DMBT1: variants seen among roughly 807,000 people sequenced by gnomAD.
DMBT1 encodes the protein deleted in malignant brain tumors 1.
A neutral mutation model predicts 252.9 loss-of-function variants in DMBT1; 198 were observed. The ratio of observed to expected loss-of-function variants is 0.78; its 90% CI spans 0.70 to 0.88. The LOEUF (loss-of-function observed/expected upper bound fraction) is 0.88. DMBT1 is among the 40% of genes least tolerant of loss of function. The pLI is 0.00. For missense variants in DMBT1, 2,432 were observed against 2,404.7 expected (o/e 1.01, Z -0.24); for synonymous variants, 990 against 942.7 (o/e 1.05, Z -0.92).
At chr10:122,575,950 G>T (rs796302308) in intron 6 of DMBT1, among the ~76,000 whole-genome samples, 5 of 152,262 alleles carry the variant, frequency 3.3e-5, no homozygotes, top group African/African-American at 9.6e-5. Context: ...CCTGAGGAAG[G>T]CTATAAGGCC....
At position 122,643,068 on chromosome 10, in the gene DMBT1, A is replaced by T. The variant is rs1844856969; in HGVS notation, c.7353-54A>T. The T allele has an allele frequency of 1.9e-6, 3 of 1,587,044 alleles. No individual in the cohort carries two copies. The East Asian group carries it at 6.7e-5, about 36-fold the overall frequency. ...GTTCCTCACCTGGTACAACTGAGTC[A>T]TGAAGGAAGAATCGGGCCTTGGTGA... is the stretch of plus-strand genomic sequence containing the variant. On this transcript the variant is annotated intron_variant, in intron 55 of 55. Transcript: ENST00000338354.
In DMBT1 at chr10:122,576,732, C is replaced by T; in HGVS notation, c.607+10C>T. On this transcript the variant is annotated intron_variant, in intron 7 of 55. Coordinates refer to ENST00000338354, the MANE Select transcript of DMBT1 (RefSeq NM_001377530.1). ...GGTGTTATCTGCTCAGGTAGGCATC[C>T]AGATCTCTGGAGGGTTGGGTGTGGT... The T allele has an allele frequency of 6.2e-7, 1 of 1,613,778 alleles. No homozygotes were observed. The highest frequency in any genetic ancestry group is 8.5e-7 in the Non-Finnish European group (1 of 1,179,722).
At chr10:122,590,782 C>T (rs2097843597) in intron 18 of DMBT1, 88 bp downstream of exon 18, 2 of 1,470,568 alleles carry the variant, frequency 1.4e-6, no homozygotes, top group African/African-American at 1.4e-5. Flanking sequence ...TCCTTCTTAC[C>T]TGTGTGGATA....
chr10:122,638,244 A>T (rs76217740), intron 54 of DMBT1, among the ~76,000 whole-genome samples: 17 of 152,112 alleles, frequency 1.1e-4, no homozygotes, highest in African/African-American at 3.6e-4. Flanking sequence ...ATGCCAAGTG[A>T]GCAGCCTGGA....
At chr10:122,572,771 C>T (rs1314280952) in intron 5 of DMBT1, among the ~76,000 whole-genome samples, 1 of 152,048 alleles carries the variant, frequency 6.6e-6, no homozygotes. Flanking sequence ...GCCTGGGATA[C>T]CAAATATATA....
Position 122,598,013 on chromosome 10 carries a change from G to T in DMBT1, c.2956+1G>T, listed in dbSNP as rs1836707086. On this transcript the variant is annotated splice_donor_variant, in intron 25 of 55. Coordinates refer to ENST00000338354, the MANE Select transcript of DMBT1 (RefSeq NM_001377530.1). LOFTEE classifies it high-confidence loss of function. ...ATCACCTTGCCTGCATCGACAGTAG[G>T]TAAATATTCCTCTCGCCCCTCCCTA... The T allele has an allele frequency of 1.6e-5, 26 of 1,613,904 alleles. No homozygotes were observed. The highest frequency in any genetic ancestry group is 2.2e-5 in the Non-Finnish European group (26 of 1,179,864).
chr10:122,593,031 G>C (rs906743206), intron 20 of DMBT1, among the ~76,000 whole-genome samples: 1 of 148,714 alleles, frequency 6.7e-6, no homozygotes, highest in African/African-American at 2.4e-5. Context: ...CAGTGAGGAG[G>C]TCTGGAAATA....
intron 1 of DMBT1, among the ~76,000 whole-genome samples, chr10:122,565,020 A>G (rs1200096124): frequency 1.7e-5 from 2 of 119,518 alleles, no homozygotes; most frequent in African/African-American, 5.8e-5. Context: ...ACTATGAAGA[A>G]AGTGTCTCCA....
At chr10:122,594,294 G>C (rs968237336) in intron 21 of DMBT1, among the ~76,000 whole-genome samples, 10 of 132,098 alleles carry the variant, frequency 7.6e-5, no homozygotes, top group African/African-American at 2.6e-4. Context: ...GAGAAATGGA[G>C]GGCTCAGTCT....
chr10:122,599,139 T>G (rs764217073), intron 26 of DMBT1, 42 bp downstream of exon 26: 1 of 1,613,316 alleles, frequency 6.2e-7, no homozygotes. Flanking sequence ...TGGGGTGGAG[T>G]TTGCTCCAGA....
chr10:122,639,803 A>AAGAGC (rs1386505218), intron 54 of DMBT1, among the ~76,000 whole-genome samples: 1 of 152,238 alleles, frequency 6.6e-6, no homozygotes, highest in African/African-American at 2.4e-5. Context: ...GCAGGTGGAC[A>AAGAGC]AGGTAGAACC....
intron 7 of DMBT1, 88 bp downstream of exon 7, chr10:122,576,810 T>C: frequency 2.0e-6 from 3 of 1,536,602 alleles, no homozygotes; most frequent in Non-Finnish European, 2.7e-6. Flanking sequence ...GCAGATTGCT[T>C]GAGCTCAGGC....
Position 122,589,260 on chromosome 10 carries a change from C to T in DMBT1, c.2100C>T (p.Ile700=). 1.3e-6 allele frequency: 2 copies of T among 1,588,550 alleles called. No homozygotes were observed. The highest frequency in any genetic ancestry group is 1.7e-6 in the Non-Finnish European group (2 of 1,165,732). Residue 700 remains isoleucine (I), a synonymous_variant, in exon 17 of 56, where the codon ATC becomes ATT. Transcript: ENST00000338354. Reference sequence around the variant, plus strand: ...GCCATCATGAAGATGCTGGTGTCATCTGCTCAGGTGGGCCTCCAGCAATTT... The same window carrying T: ...GCCATCATGAAGATGCTGGTGTCATTTGCTCAGGTGGGCCTCCAGCAATTT... ...NCGHHEDAGV[I]CSAAQSRSTP...
At chr10:122,591,881 T>TC (rs2097852059) in intron 19 of DMBT1, among the ~76,000 whole-genome samples, 2 of 149,232 alleles carry the variant, frequency 1.3e-5, no homozygotes, top group Non-Finnish European at 3.0e-5. Flanking sequence ...CTGGCCAATG[T>TC]GTTGCCATCC....
intron 25 of DMBT1, 104 bp from the exon 26 acceptor site, chr10:122,598,670 C>T (rs1416200025): frequency 1.3e-5 from 21 of 1,579,964 alleles, no homozygotes; most frequent in Non-Finnish European, 1.0e-5. Context: ...TGACTGCCTG[C>T]CCAGGTGACT....
At chr10:122,561,586 T>TC (rs2097546841) in intron 1 of DMBT1, among the ~76,000 whole-genome samples, 10 of 26,088 alleles carry the variant, frequency 3.8e-4, no homozygotes, top group African/African-American at 8.0e-4. Flanking sequence ...CTCTCTCTCT[T>TC]TCTCTCTTAT....
At chr10:122,636,489 C>A in intron 53 of DMBT1, among the ~76,000 whole-genome samples, 1 of 152,192 alleles carries the variant, frequency 6.6e-6, no homozygotes, top group Non-Finnish European at 1.5e-5. Context: ...TGAGTCAGTG[C>A]CAAAGGCAGA....
chr10:122,571,509 G>T (rs192669184), intron 4 of DMBT1, among the ~76,000 whole-genome samples: 93 of 152,198 alleles, frequency 6.1e-4, no homozygotes, highest in African/African-American at 2.0e-3. Flanking sequence ...CTCTTTACTG[G>T]GAATTAAATG....
rs750428679 is a variant in DMBT1, at chr10:122,640,368, T to G, written c.7271T>G (p.Leu2424Arg). The G allele has an allele frequency of 2.5e-6, 4 of 1,614,094 alleles. No homozygotes were observed. The highest frequency in any genetic ancestry group is 3.4e-6 in the Non-Finnish European group (4 of 1,179,904). Residue 2424 changes from leucine to arginine, a missense_variant, in exon 55 of 56, where the codon CTG (leucine) becomes CGG (arginine). This residue lies in a region of DMBT1 where 1,162 missense variants were observed against 1,169.0 expected (regional missense o/e 0.99). Coordinates refer to ENST00000338354, the MANE Select transcript of DMBT1 (RefSeq NM_001377530.1). ...QAEILHSDAV[L>R]TLFVDTCVAS... ...GAAATCCTCCATTCTGATGCTGTAC[T>G]GACCTTGTTTGTGGACACCTGCGTG... is the stretch of plus-strand genomic sequence containing the variant.
Sources: allele counts gnomAD v4.1 joint callset (sites outside exome capture counted in the v4.1 genomes callset), GRCh38; gene constraint gnomAD v4.1.1; regional missense constraint gnomAD v4.1.1; transcripts MANE v1.5; gene names NCBI Gene and HGNC (gene_info 2026-07-23, HGNC 2026-07-21).